Variants in RELN observed in about 807,000 individuals in gnomAD.
RELN encodes reelin.
A neutral mutation model predicts 427.6 loss-of-function variants in RELN; 108 were observed. That is an observed-to-expected ratio of 0.25 (90% CI 0.22 to 0.30). RELN has a LOEUF of 0.30. Among genes scored for constraint, RELN ranks in the 10% least tolerant of loss-of-function variants. RELN has a pLI of 1.00. For missense variants in RELN, 3,715 were observed against 4,302.8 expected (o/e 0.86, Z 3.82); for synonymous variants, 1,524 against 1,513.4 (o/e 1.01, Z -0.16).
intron 4 of RELN, among the ~76,000 whole-genome samples, chr7:103,771,098 G>A (rs778418006): frequency 6.6e-6 from 1 of 151,566 alleles, no homozygotes; most frequent in Non-Finnish European, 1.5e-5. Flanking sequence ...TCTATTTTTA[G>A]TAGAGGTGGG....
intron 8 of RELN, 61 bp downstream of exon 8, chr7:103,723,079 A>C: frequency 9.7e-7 from 1 of 1,026,002 alleles, no homozygotes. Context: ...TCCTGATTGC[A>C]CACTATGTTT....
intron 2 of RELN, among the ~76,000 whole-genome samples, chr7:103,883,683 A>G (rs547309499): frequency 6.6e-6 from 1 of 152,334 alleles, no homozygotes; most frequent in Admixed American, 6.5e-5. Context: ...ACCATTCACA[A>G]TTGCTACAAA....
intron 13 of RELN, 80 bp downstream of exon 13, chr7:103,654,013 A>G: frequency 1.2e-6 from 1 of 807,194 alleles, no homozygotes; most frequent in Non-Finnish European, 2.2e-6. Flanking sequence ...CTGCATCTGG[A>G]GTGGTCTTTG....
At chr7:103,717,375 A>C (rs547360240) in intron 8 of RELN, among the ~76,000 whole-genome samples, 57 of 150,940 alleles carry the variant, frequency 3.8e-4, no homozygotes, top group Non-Finnish European at 7.1e-4. Flanking sequence ...CATTCCCTAA[A>C]AAGGTCATCT....
intron 2 of RELN, among the ~76,000 whole-genome samples, chr7:103,846,702 A>C (rs1793686386): frequency 6.6e-6 from 1 of 152,258 alleles, no homozygotes; most frequent in Admixed American, 6.5e-5. Context: ...AATATCCAGA[A>C]TCTACAAGGA....
chr7:103,931,874 T>C (rs1193255536), intron 1 of RELN, among the ~76,000 whole-genome samples: 2 of 152,088 alleles, frequency 1.3e-5, no homozygotes, highest in South Asian at 2.1e-4. Context: ...CCAGAACAGA[T>C]GCAAAAGAAG....
chr7:103,739,032 G>A (rs1018008040), intron 6 of RELN, among the ~76,000 whole-genome samples: 1 of 151,984 alleles, frequency 6.6e-6, no homozygotes, highest in Non-Finnish European at 1.5e-5. Context: ...ATGTTGTTGC[G>A]ACTGACAATA....
At chr7:103,784,067 A>C (rs908895519) in intron 3 of RELN, among the ~76,000 whole-genome samples, 2 of 152,164 alleles carry the variant, frequency 1.3e-5, no homozygotes, top group Non-Finnish European at 2.9e-5. Flanking sequence ...GAAGATACCC[A>C]CAAGCAGATT....
Position 103,565,360 on chromosome 7 carries a change from G to A in RELN, c.5128C>T (p.His1710Tyr). Residue 1710 changes from histidine to tyrosine, a missense_variant, in exon 34 of 65, where the codon CAT (histidine) becomes TAT (tyrosine). Coordinates refer to ENST00000428762, the MANE Select transcript of RELN (RefSeq NM_005045.4). ...ECVPPTIGCL[H>Y]YTESSIYTSE... ...GTGTAAATTGAACTTTCCGTGTAAT[G>A]CAGACAGCCAATGGTTGGAGGAACA... 6.2e-7 allele frequency: 1 copy of A among 1,614,082 alleles called. No individual in the cohort carries two copies. Among genetic ancestry groups the A allele is most frequent in the Non-Finnish European group, 8.5e-7 (1 of 1,179,974 alleles).
At chr7:103,611,553 C>A in intron 21 of RELN, 58 bp downstream of exon 21, 4 of 1,109,020 alleles carry the variant, frequency 3.6e-6, no homozygotes, top group South Asian at 1.7e-5. Context: ...TTTTTTTTGG[C>A]TTCCTAGGTA....
At chr7:103,612,198 A>G (rs1319358165) in intron 20 of RELN, among the ~76,000 whole-genome samples, 3 of 152,252 alleles carry the variant, frequency 2.0e-5, no homozygotes, top group African/African-American at 7.2e-5. Context: ...AACAATGTCA[A>G]TGTCAAAATG....
At chr7:103,868,123 G>A (rs978323441) in intron 2 of RELN, among the ~76,000 whole-genome samples, 6 of 152,006 alleles carry the variant, frequency 3.9e-5, no homozygotes, top group African/African-American at 7.2e-5. Flanking sequence ...AATACAGAGA[G>A]CTCCTGGATT....
intron 2 of RELN, among the ~76,000 whole-genome samples, chr7:103,893,010 G>T (rs968051415): frequency 1.3e-5 from 2 of 152,184 alleles, no homozygotes; most frequent in East Asian, 3.8e-4. Context: ...TGATCATGTA[G>T]AAAGGGTCTT....
chr7:103,950,972 A>G (rs895441499), intron 1 of RELN, among the ~76,000 whole-genome samples: 3 of 152,190 alleles, frequency 2.0e-5, no homozygotes, highest in Non-Finnish European at 1.5e-5. Flanking sequence ...TCTGTCGCCC[A>G]GGCTGGAGTG....
chr7:103,811,181 T>C (rs1792734542), intron 3 of RELN, among the ~76,000 whole-genome samples: 1 of 152,240 alleles, frequency 6.6e-6, no homozygotes, highest in African/African-American at 2.4e-5. Context: ...TTGTTTATTA[T>C]ACTTCTCTCA....
chr7:103,641,436 T>A (rs1374087113), intron 16 of RELN, among the ~76,000 whole-genome samples: 1 of 152,218 alleles, frequency 6.6e-6, no homozygotes, highest in Non-Finnish European at 1.5e-5. Flanking sequence ...GTGGAGTAAT[T>A]CAAATTCAAT....
intron 60 of RELN, among the ~76,000 whole-genome samples, chr7:103,486,750 G>GA (rs1828454895): frequency 6.6e-6 from 1 of 152,186 alleles, no homozygotes. Context: ...AAAAAGTCAG[G>GA]AAACAACAGA....
Position 103,620,699 on chromosome 7 carries a change from C to T in RELN, c.2703-8896G>A, listed in dbSNP as rs187048776. On this transcript the variant is annotated intron_variant, in intron 20 of 64. Coordinates refer to ENST00000428762, the MANE Select transcript of RELN (RefSeq NM_005045.4). The surrounding 1 kb of genome is among the most constrained non-coding windows in gnomAD (Gnocchi z 4.1). ...ATGTTGGCCAGGCTGGTCTTGAACT[C>T]CTGACCTCAAGTGATCTGCCCGCCT... Among the ~76,000 whole-genome samples, 2 of 152,228 alleles carry T rather than the reference C, an allele frequency of 1.3e-5. No individual in the cohort carries two copies. Among genetic ancestry groups the T allele is most frequent in the African/African-American group, 4.8e-5 (2 of 41,528 alleles).
chr7:103,665,365 T>C (rs1206653266), intron 11 of RELN, among the ~76,000 whole-genome samples: 1 of 72,010 alleles, frequency 1.4e-5, no homozygotes, highest in Non-Finnish European at 2.8e-5. Context: ...TGTGTGTGTA[T>C]ATATATATAT....
Sources: allele counts gnomAD v4.1 joint callset (sites outside exome capture counted in the v4.1 genomes callset), GRCh38; gene constraint gnomAD v4.1.1; non-coding constraint Gnocchi (gnomAD v3.1); transcripts MANE v1.5; gene names NCBI Gene and HGNC (gene_info 2026-07-23, HGNC 2026-07-21).